PTPRD: variants seen among roughly 807,000 people sequenced by gnomAD.
The protein encoded by PTPRD is protein tyrosine phosphatase receptor type D.
PTPRD carries 34 observed loss-of-function variants against 214.5 expected under a neutral mutation model. The observed-to-expected ratio is 0.16, with a 90% confidence interval of 0.12 to 0.21. The LOEUF is 0.21. Ranked by LOEUF, PTPRD falls within the 10% of genes least tolerant of loss-of-function variation. The pLI is 1.00. For synonymous variants in PTPRD, 1,128 were observed against 845.7 expected (o/e 1.33, Z -5.79); for missense variants, 2,545 against 2,398.7 (o/e 1.06, Z -1.27).
intron 5 of PTPRD, among the ~76,000 whole-genome samples, chr9:9,831,391 G>T (rs147179434): frequency 6.0e-4 from 91 of 151,976 alleles, no homozygotes; most frequent in African/African-American, 2.0e-3. Flanking sequence ...GAATTCACAA[G>T]GTTACTACAT....
chr9:10,019,937 T>C (rs72692785), intron 4 of PTPRD, among the ~76,000 whole-genome samples: 64,305 of 151,620 alleles, frequency 0.42, 16,034 homozygotes, highest in Middle Eastern at 0.6. Flanking sequence ...ATAAAAAAAA[T>C]TATAGTGCTT....
At chr9:8,684,382 C>G (rs1294871071) in intron 12 of PTPRD, among the ~76,000 whole-genome samples, 1 of 152,018 alleles carries the variant, frequency 6.6e-6, no homozygotes, top group Non-Finnish European at 1.5e-5. Flanking sequence ...ATAAGGTGCT[C>G]AATGTCACAC....
intron 2 of PTPRD, among the ~76,000 whole-genome samples, chr9:10,516,417 G>T (rs1016147629): frequency 6.6e-6 from 1 of 151,724 alleles, no homozygotes; most frequent in Non-Finnish European, 1.5e-5. Context: ...TTTTAATGAG[G>T]TTATTAGATT....
chr9:9,761,674 C>G (rs560779517), intron 6 of PTPRD, among the ~76,000 whole-genome samples: 19 of 152,174 alleles, frequency 1.2e-4, no homozygotes, highest in South Asian at 6.2e-4. Flanking sequence ...TGTACAGACT[C>G]TCTTATGTTT....
At chr9:10,300,734 G>C (rs1216814922) in intron 3 of PTPRD, among the ~76,000 whole-genome samples, 1 of 151,982 alleles carries the variant, frequency 6.6e-6, no homozygotes, top group Non-Finnish European at 1.5e-5. Context: ...CTCTAGGCAG[G>C]GTATCTCTGA....
At chr9:9,187,470 G>A (rs2099932327) in intron 9 of PTPRD, among the ~76,000 whole-genome samples, 1 of 151,996 alleles carries the variant, frequency 6.6e-6, no homozygotes, top group South Asian at 2.1e-4. Flanking sequence ...TTTTTTATGT[G>A]CAGTTTGTAC....
chr9:10,311,633 T>C (rs987007936), intron 3 of PTPRD, among the ~76,000 whole-genome samples: 1 of 152,034 alleles, frequency 6.6e-6, no homozygotes, highest in Non-Finnish European at 1.5e-5. Context: ...GAGAACCAAA[T>C]GAAAATTAAA....
intron 8 of PTPRD, among the ~76,000 whole-genome samples, chr9:9,424,932 T>A (rs1291701297): frequency 6.6e-6 from 1 of 152,200 alleles, no homozygotes. Flanking sequence ...CAATCAAGAA[T>A]TAGGTTATTT....
At chr9:9,436,809 T>A (rs1484151984) in intron 8 of PTPRD, among the ~76,000 whole-genome samples, 1 of 152,110 alleles carries the variant, frequency 6.6e-6, no homozygotes, top group Non-Finnish European at 1.5e-5. Context: ...TACCGCAGAA[T>A]TTTCCACACT....
chr9:10,208,529 T>C (rs990796873), intron 3 of PTPRD, among the ~76,000 whole-genome samples: 3 of 152,068 alleles, frequency 2.0e-5, no homozygotes, highest in Admixed American at 1.3e-4. Flanking sequence ...ATAAAAAGAC[T>C]AAAACCGCTT....
chr9:8,565,568 T>G (rs941230789), intron 14 of PTPRD, among the ~76,000 whole-genome samples: 3 of 152,136 alleles, frequency 2.0e-5, no homozygotes, highest in Admixed American at 6.6e-5. Context: ...CATACAGAAA[T>G]AGGTGCATTT....
At position 9,397,003 on chromosome 9, in the gene PTPRD, G is replaced by A. The variant is rs567272118; in HGVS notation, c.-203+446C>T. 8.6e-5 allele frequency among the ~76,000 whole-genome samples: 13 copies of A among 151,988 alleles called. No individual in the cohort carries two copies. The South Asian group carries it at 2.7e-3, about 32-fold the overall frequency. On this transcript the variant is annotated intron_variant, in intron 9 of 45. Coordinates refer to ENST00000381196, the MANE Select transcript of PTPRD (RefSeq NM_002839.4). ...CAATGAATAATCATAGCAATATAAG[G>A]CAATTATGTAAGCTAAGGAATGTAA...
At chr9:9,340,541 C>T (rs916173182) in intron 9 of PTPRD, among the ~76,000 whole-genome samples, 2 of 152,274 alleles carry the variant, frequency 1.3e-5, no homozygotes, top group Admixed American at 1.3e-4. Context: ...TTAATGGGAT[C>T]TATCCCCATG....
intron 8 of PTPRD, among the ~76,000 whole-genome samples, chr9:9,450,437 T>C (rs1292390933): frequency 6.6e-6 from 1 of 151,942 alleles, no homozygotes; most frequent in African/African-American, 2.4e-5. Context: ...TATTATTTTT[T>C]GACTTTTTAA....
intron 9 of PTPRD, among the ~76,000 whole-genome samples, chr9:9,356,736 T>G (rs1450291068): frequency 6.6e-6 from 1 of 151,390 alleles, no homozygotes; most frequent in African/African-American, 2.4e-5. Context: ...CTAGTTTTTC[T>G]ACATTTGCAA....
intron 10 of PTPRD, among the ~76,000 whole-genome samples, chr9:9,050,951 T>A (rs996120118): frequency 2.0e-5 from 3 of 152,194 alleles, no homozygotes; most frequent in Admixed American, 6.6e-5. Flanking sequence ...TCTTGGAAAG[T>A]ATCCCCCATG....
chr9:9,947,366 T>TATATATACTATATATA lies in PTPRD; in HGVS notation c.-471-8757_-471-8756insTATATATAGTATATAT, dbSNP rs1184433093. The stretch of plus-strand genomic sequence containing the variant: ...TATATAATATATATTATATATATTA[T>TATATATACTATATATA]ATATATATTATATATATTTTATATA... On this transcript the variant is annotated intron_variant, in intron 4 of 45. Coordinates refer to ENST00000381196, the MANE Select transcript of PTPRD (RefSeq NM_002839.4). Among the ~76,000 whole-genome samples, 8 of 40,776 alleles carry TATATATACTATATATA rather than the reference T, an allele frequency of 2.0e-4. No homozygotes were observed. The East Asian group carries it at 0.035, about 180-fold the overall frequency. The allele number at this position is 40,776 out of a possible 152,430, so 26.8% of individuals were successfully genotyped here.
intron 11 of PTPRD, among the ~76,000 whole-genome samples, chr9:8,744,726 A>G (rs1222334819): frequency 6.6e-6 from 1 of 152,206 alleles, no homozygotes; most frequent in African/African-American, 2.4e-5. Flanking sequence ...GGTGCACCAA[A>G]ATCTCAGAAA....
intron 5 of PTPRD, among the ~76,000 whole-genome samples, chr9:9,807,922 T>C (rs186838427): frequency 1.3e-5 from 2 of 152,298 alleles, no homozygotes; most frequent in Non-Finnish European, 2.9e-5. Context: ...GCAGTTTTTA[T>C]ATTGTATTTT....
Sources: allele counts gnomAD v4.1 joint callset (sites outside exome capture counted in the v4.1 genomes callset), GRCh38; gene constraint gnomAD v4.1.1; transcripts MANE v1.5; gene names NCBI Gene and HGNC (gene_info 2026-07-23, HGNC 2026-07-21).